The following DOCK2 variants were observed in gnomAD, a reference collection of about 807,000 sequenced individuals.
DOCK2 encodes dedicator of cytokinesis protein 2.
In DOCK2, 87 loss-of-function variants were observed where a neutral mutation model predicts 248.9. That is an observed-to-expected ratio of 0.35 (90% CI 0.29 to 0.42). The LOEUF (loss-of-function observed/expected upper bound fraction) is 0.42. DOCK2 is among the 10% of genes least tolerant of loss of function. DOCK2 has a pLI of 1.00. For synonymous variants in DOCK2, 805 were observed against 821.6 expected (o/e 0.98, Z 0.35); for missense variants, 1,747 against 2,300.2 (o/e 0.76, Z 4.92).
intron 27 of DOCK2, among the ~76,000 whole-genome samples, chr5:169,943,526 A>G (rs1776324374): frequency 6.6e-6 from 1 of 152,188 alleles, no homozygotes; most frequent in Admixed American, 6.5e-5. Flanking sequence ...TTCCCATACA[A>G]GTCCATCCCA....
At chr5:169,687,114 G>C in intron 8 of DOCK2, among the ~76,000 whole-genome samples, 1 of 152,126 alleles carries the variant, frequency 6.6e-6, no homozygotes, top group East Asian at 1.9e-4. Context: ...CTGTTTAGAC[G>C]TAGCAAGCTG....
At chr5:169,789,308 A>C (rs1766182477) in intron 25 of DOCK2, among the ~76,000 whole-genome samples, 3 of 152,234 alleles carry the variant, frequency 2.0e-5, no homozygotes, top group Admixed American at 2.0e-4. Context: ...TAGTGCTGCA[A>C]TGAATGTACG....
intron 27 of DOCK2, among the ~76,000 whole-genome samples, chr5:169,939,057 C>G (rs993179942): frequency 6.6e-6 from 1 of 151,872 alleles, no homozygotes; most frequent in Non-Finnish European, 1.5e-5. Flanking sequence ...GCATGCACCA[C>G]CACGCCCTGC....
rs143741887 is a variant in DOCK2, at chr5:170,079,110, G to C, written c.5130G>C (p.Ala1710=). 6.2e-7 allele frequency: 1 copy of C among 1,613,990 alleles called. No homozygotes were observed. The highest frequency in any genetic ancestry group is 1.7e-5 in the Admixed American group (1 of 60,030). The change falls in exon 49 of 52, where the codon GCG becomes GCC. Residue 1710 remains alanine (A), a synonymous_variant. Coordinates refer to ENST00000520908, the MANE Select transcript of DOCK2 (RefSeq NM_004946.3). ...CAAAGAGAAGCAGCGTAGTTTTTGC[G>C]GATGAGAAAGCAGCTGCAGAGTCGG... is the stretch of plus-strand genomic sequence containing the variant. ...KRTKRSSVVF[A]DEKAAAESDL...
Position 170,078,968 on chromosome 5 carries a change from C to T in DOCK2, c.4995-7C>T. On this transcript the variant is annotated splice_region_variant and splice_polypyrimidine_tract_variant and intron_variant, in intron 48 of 51. Transcript: ENST00000520908. ...CAGTTTCTATTGCTGCCCCTCTGGC[C>T]TTTCAGCTTTGACCTGGAATTAGCA... 1 of 1,613,750 alleles carries T rather than the reference C, an allele frequency of 6.2e-7. No homozygotes were observed. Among genetic ancestry groups the T allele is most frequent in the Non-Finnish European group, 8.5e-7 (1 of 1,179,764 alleles).
chr5:169,992,911 T>G (rs1375954050), intron 29 of DOCK2, among the ~76,000 whole-genome samples: 1 of 152,208 alleles, frequency 6.6e-6, no homozygotes, highest in Non-Finnish European at 1.5e-5. Context: ...GAACTTTGAT[T>G]TACCTGCTAC....
intron 25 of DOCK2, among the ~76,000 whole-genome samples, chr5:169,773,703 G>A (rs184471072): frequency 6.6e-6 from 1 of 152,256 alleles, no homozygotes; most frequent in East Asian, 1.9e-4. Flanking sequence ...TGGGGTTTTA[G>A]AATGTTTGTA....
At chr5:169,945,576 A>C (rs181237150) in intron 27 of DOCK2, among the ~76,000 whole-genome samples, 107 of 152,298 alleles carry the variant, frequency 7.0e-4, no homozygotes, top group African/African-American at 2.5e-3. Flanking sequence ...AAGGTGAGAA[A>C]ATCAGGGCTC....
At chr5:169,839,055 G>A (rs1429584431) in intron 26 of DOCK2, among the ~76,000 whole-genome samples, 3 of 152,166 alleles carry the variant, frequency 2.0e-5, no homozygotes, top group Non-Finnish European at 4.4e-5. Flanking sequence ...AAAGCTTGCT[G>A]GAGTACTTGT....
At position 169,841,494 on chromosome 5, in the gene DOCK2, G is replaced by A. The variant is rs13186967; in HGVS notation, c.2799+642G>A. 200,027 of 974,768 alleles carry A rather than the reference G, an allele frequency of 0.21. 21,323 individuals carry two copies. The highest frequency in any genetic ancestry group is 0.24 in the Admixed American group (3,867 of 16,274). The allele number at this position is 974,768 out of a possible 1,614,324, so 60.4% of individuals were successfully genotyped here. ...TCAGGGGCCAGTCACCAACATAAAT[G>A]AGTATGCCCAACCATGTCACTCCTC... On this transcript the variant is annotated intron_variant, in intron 27 of 51. Transcript: ENST00000520908.
chr5:169,787,515 C>T (rs763833072), intron 25 of DOCK2, among the ~76,000 whole-genome samples: 6 of 152,198 alleles, frequency 3.9e-5, no homozygotes, highest in Non-Finnish European at 7.4e-5. Flanking sequence ...GGCCCCCTGC[C>T]AGTTTGGGCT....
intron 19 of DOCK2, 149 bp downstream of exon 19, chr5:169,714,606 T>A (rs764042669): frequency 9.9e-6 from 8 of 806,128 alleles, no homozygotes; most frequent in Non-Finnish European, 1.5e-5. Context: ...CCTTGAGGAA[T>A]CTTTATTGGG....
At chr5:169,932,242 TAC>T (rs1192975800) in intron 27 of DOCK2, among the ~76,000 whole-genome samples, 1 of 152,128 alleles carries the variant, frequency 6.6e-6, no homozygotes, top group Non-Finnish European at 1.5e-5. Context: ...TCCCTGAGTT[TAC>T]AGAGCCCTGT....
At chr5:170,059,430 G>A (rs764495795) in intron 44 of DOCK2, among the ~76,000 whole-genome samples, 1 of 152,136 alleles carries the variant, frequency 6.6e-6, no homozygotes, top group Admixed American at 6.5e-5. Context: ...ACCTGGTGGT[G>A]CTCAGCAAGG....
rs1227273068 is a variant in DOCK2 at position 169,700,129 on chromosome 5, C to T, written c.1248C>T (p.Ile416=). The change falls in exon 13 of 52, where the codon ATC becomes ATT. Residue 416 remains isoleucine, a synonymous_variant. Coordinates refer to ENST00000520908, the MANE Select transcript of DOCK2 (RefSeq NM_004946.3). ...VVARKLGFPE[I]IMPGDVRNDI... ...CCAGGAAGCTGGGATTCCCAGAGAT[C>T]ATCATGCCAGGTGAGACACAGCTGC... 1.2e-6 allele frequency: 2 copies of T among 1,613,704 alleles called. No individual in the cohort carries two copies. Among genetic ancestry groups the T allele is most frequent in the Non-Finnish European group, 1.7e-6 (2 of 1,179,732 alleles).
At chr5:169,968,851 T>C (rs1184575028) in intron 27 of DOCK2, among the ~76,000 whole-genome samples, 1 of 152,120 alleles carries the variant, frequency 6.6e-6, no homozygotes, top group Non-Finnish European at 1.5e-5. Context: ...TAGAGAAGGC[T>C]TCCCGGGAGA....
chr5:170,017,421 C>T (rs1216330543), intron 32 of DOCK2, among the ~76,000 whole-genome samples: 1 of 152,162 alleles, frequency 6.6e-6, no homozygotes, highest in African/African-American at 2.4e-5. Flanking sequence ...CCCAGGAAAT[C>T]CCTGCAATTC....
At chr5:169,957,368 C>A (rs115066642) in intron 27 of DOCK2, among the ~76,000 whole-genome samples, 2 of 152,234 alleles carry the variant, frequency 1.3e-5, no homozygotes, top group African/African-American at 4.8e-5. Flanking sequence ...ACAAAATAGA[C>A]AAAGTACTTA....
chr5:170,047,751 G>T (rs1482993183), intron 40 of DOCK2, 137 bp downstream of exon 40: 14 of 678,592 alleles, frequency 2.1e-5, no homozygotes, highest in Non-Finnish European at 3.4e-5. Context: ...CCATCCCCAG[G>T]AGACTCCCCA....
Sources: allele counts gnomAD v4.1 joint callset (sites outside exome capture counted in the v4.1 genomes callset), GRCh38; gene constraint gnomAD v4.1.1; transcripts MANE v1.5; gene names NCBI Gene and HGNC (gene_info 2026-07-23, HGNC 2026-07-21).